Variants in E2F5 observed in about 807,000 individuals in gnomAD.
E2F5 encodes E2F transcription factor 5.
Under a neutral mutation model 39.1 loss-of-function variants are expected in E2F5, and 23 were observed. That is an observed-to-expected ratio of 0.59 (90% CI 0.42 to 0.83). The LOEUF (loss-of-function observed/expected upper bound fraction) is 0.83, where lower values mean the gene tolerates loss of function less well. Ranked by LOEUF, E2F5 falls within the 40% of genes least tolerant of loss-of-function variation. The pLI is 0.00. For missense variants in E2F5, 365 were observed against 406.7 expected, an observed-to-expected ratio of 0.90 and a Z score of 0.88; for synonymous variants, 145 against 157.8, an observed-to-expected ratio of 0.92 and a Z score of 0.61.
chr8:85,213,621 AAATGAG>A (rs996239620), intron 7 of E2F5, 126 bp from the exon 8 acceptor site: 3 of 464,378 alleles, frequency 6.5e-6, no homozygotes, highest in Admixed American at 3.9e-5. Context: ...AATTGTTACT[AAATGAG>A]AATATTTCAA....
chr8:85,197,592 T>C (rs1297010281), intron 1 of E2F5, among the ~76,000 whole-genome samples: 5 of 152,234 alleles, frequency 3.3e-5, no homozygotes, highest in Admixed American at 2.6e-4. Context: ...AGAACAGGAT[T>C]TAATATTTGG....
At position 85,203,079 on chromosome 8, in the gene E2F5, T is replaced by C; in HGVS notation, c.345-15T>C. The C allele has an allele frequency of 6.9e-7, 1 of 1,459,208 alleles. No homozygotes were observed. Among genetic ancestry groups the C allele is most frequent in the Non-Finnish European group, 9.1e-7 (1 of 1,102,024 alleles). 90.4% of individuals were successfully genotyped at this position (1,459,208 alleles called of 1,614,324 possible). ...GATCTGATACTGAGGATATTAATTCTCATATGTTTTTAAGAGGTGTAGGTG... is the reference window on the plus strand; with the variant it reads ...GATCTGATACTGAGGATATTAATTCCCATATGTTTTTAAGAGGTGTAGGTG... On this transcript the variant is annotated splice_polypyrimidine_tract_variant and intron_variant, in intron 2 of 7. Transcript: ENST00000416274.
At chr8:85,213,651 C>A in intron 7 of E2F5, 102 bp from the exon 8 acceptor site, 1 of 581,532 alleles carries the variant, frequency 1.7e-6, no homozygotes, top group Middle Eastern at 3.4e-4. Context: ...ACACATTACA[C>A]AAGACTTTAA....
In E2F5 at chr8:85,214,382, T is replaced by C; in HGVS notation, c.*520T>C. ...GCCTTCTGTTTTAGCACTTTAAGTTTATCACATTTTGTTGACTTCTGACAT... is the reference window on the plus strand; with the variant it reads ...GCCTTCTGTTTTAGCACTTTAAGTTCATCACATTTTGTTGACTTCTGACAT... On this transcript the variant is annotated 3_prime_UTR_variant, in exon 8 of 8. Coordinates refer to ENST00000416274, the MANE Select transcript of E2F5 (RefSeq NM_001951.4). 3 of 616,062 alleles carry C rather than the reference T, an allele frequency of 4.9e-6. No individual in the cohort carries two copies. The highest frequency in any genetic ancestry group is 2.8e-5 in the East Asian group (1 of 35,466). The allele number at this position is 616,062 out of a possible 1,614,324, so 38.2% of individuals were successfully genotyped here.
rs1342681393 is a variant in E2F5 at position 85,177,372 on chromosome 8, C to G, written c.-49C>G. ...CCCGGCAGGTGGCCGCGGGCGGGGC[C>G]GGCGAGCGAAAGTGCGCGGGGGCCC... On this transcript the variant is annotated 5_prime_UTR_variant, in exon 1 of 8. Transcript: ENST00000416274. 4 of 986,534 alleles carry G rather than the reference C, an allele frequency of 4.1e-6. No individual in the cohort carries two copies. Among genetic ancestry groups the G allele is most frequent in the Non-Finnish European group, 4.8e-6 (4 of 831,298 alleles). 61.1% of individuals were successfully genotyped at this position (986,534 alleles called of 1,614,324 possible).
At chr8:85,197,496 C>G (rs939720874) in intron 1 of E2F5, among the ~76,000 whole-genome samples, 1 of 152,182 alleles carries the variant, frequency 6.6e-6, no homozygotes, top group Non-Finnish European at 1.5e-5. Flanking sequence ...GTTCATTTGT[C>G]TTGAGCACCT....
chr8:85,186,803 G>A lies in E2F5; in HGVS notation c.234+9149G>A, dbSNP rs1248017023. On this transcript the variant is annotated intron_variant, in intron 1 of 7. Transcript: ENST00000416274. ...TATATAAGGTGTATATATATGATAT[G>A]TATATATAAGGTGTATATATATGGT... Among the ~76,000 whole-genome samples the A allele has an allele frequency of 2.0e-5, 3 of 146,588 alleles. No individual in the cohort carries two copies. In the East Asian group the frequency reaches 5.9e-4, roughly 29 times the overall value.
intron 1 of E2F5, chr8:85,201,943 C>T: frequency 1.8e-6 from 1 of 550,318 alleles, no homozygotes; most frequent in Non-Finnish European, 3.2e-6. Flanking sequence ...TCTGTTCCAA[C>T]ATCTGCTAGC....
chr8:85,177,685 C>T (rs1587476557), intron 1 of E2F5, 31 bp downstream of exon 1: 1 of 1,249,790 alleles, frequency 8.0e-7, no homozygotes. Context: ...CGGGGGCGGA[C>T]TTCGGAACCC....
intron 5 of E2F5, among the ~76,000 whole-genome samples, chr8:85,208,097 GGCAGGT>G (rs546477844): frequency 2.5e-4 from 38 of 152,170 alleles, no homozygotes; most frequent in Non-Finnish European, 5.1e-4. Flanking sequence ...GGGAGGCCAA[GGCAGGT>G]GGATCACTTG....
chr8:85,201,974 TTGGTATTTGCA>T, intron 1 of E2F5, 162 bp from the exon 2 acceptor site: 1 of 594,472 alleles, frequency 1.7e-6, no homozygotes, highest in Non-Finnish European at 2.9e-6. Flanking sequence ...AATAATTTCT[TTGGTATTTGCA>T]GTGTTTGGGA....
intron 1 of E2F5, among the ~76,000 whole-genome samples, chr8:85,178,657 C>T (rs536140986): frequency 2.6e-5 from 4 of 152,342 alleles, no homozygotes; most frequent in African/African-American, 9.6e-5. Context: ...GGATTGGCCC[C>T]AGCTCCCAGG....
chr8:85,187,617 T>C (rs1812370555), intron 1 of E2F5: 1 of 152,194 alleles, frequency 6.6e-6, no homozygotes, highest in Admixed American at 6.5e-5. Context: ...TTCTGCTTTC[T>C]TTTGGTTTCT....
intron 5 of E2F5, among the ~76,000 whole-genome samples, chr8:85,208,215 C>A (rs1812837855): frequency 2.0e-5 from 3 of 152,110 alleles, no homozygotes; most frequent in Non-Finnish European, 1.5e-5. Context: ...GTAATCCCAG[C>A]TACTTGGGAG....
rs541112949 is a variant in E2F5, at chr8:85,204,789, C to T, written c.507-1388C>T. On this transcript the variant is annotated intron_variant, in intron 3 of 7. Coordinates refer to ENST00000416274, the MANE Select transcript of E2F5 (RefSeq NM_001951.4). ...AGTCAAGGTCCAGACCTCCTCTCTC[C>T]AGTCCATACACCCCAGGTGGCAATA... Among the ~76,000 whole-genome samples, 57 of 152,328 alleles carry T rather than the reference C, an allele frequency of 3.7e-4. 1 individual carries two copies. The South Asian group carries it at 0.012, about 31-fold the overall frequency.
At chr8:85,205,963 T>C (rs1018105167) in intron 3 of E2F5, among the ~76,000 whole-genome samples, 3 of 152,142 alleles carry the variant, frequency 2.0e-5, no homozygotes, top group Non-Finnish European at 4.4e-5. Context: ...GGTCCTCAAA[T>C]GTCACAAAAA....
intron 1 of E2F5, 171 bp downstream of exon 1, chr8:85,177,825 TG>T: frequency 1.8e-6 from 2 of 1,102,968 alleles, no homozygotes. Flanking sequence ...GACGCCGGGA[TG>T]GGGGAGGGAC....
At chr8:85,212,318 A>G in intron 7 of E2F5, 114 bp downstream of exon 7, 1 of 752,496 alleles carries the variant, frequency 1.3e-6, no homozygotes, top group Non-Finnish European at 2.2e-6. Context: ...TTTACTATGA[A>G]GATTCATGAA....
intron 1 of E2F5, among the ~76,000 whole-genome samples, chr8:85,197,610 A>T (rs1401714800): frequency 6.6e-6 from 1 of 152,138 alleles, no homozygotes; most frequent in Non-Finnish European, 1.5e-5. Flanking sequence ...TGGAAGGGAG[A>T]TCTAATTCTT....
Sources: allele counts gnomAD v4.1 joint callset (sites outside exome capture counted in the v4.1 genomes callset), GRCh38; gene constraint gnomAD v4.1.1; transcripts MANE v1.5; gene names NCBI Gene and HGNC (gene_info 2026-07-23, HGNC 2026-07-21).